Variants in INPP5B observed in about 807,000 individuals in gnomAD.
The protein encoded by INPP5B is type II inositol 1,4,5-trisphosphate 5-phosphatase.
Under a neutral mutation model 118.5 loss-of-function variants are expected in INPP5B, and 90 were observed. That is an observed-to-expected ratio of 0.76 (90% confidence interval 0.64 to 0.90). The LOEUF is 0.90. INPP5B is among the 40% of genes least tolerant of loss of function. INPP5B has a pLI of 0.00. For missense variants in INPP5B, 984 were observed against 1,125.6 expected (o/e 0.87, Z 1.80); for synonymous variants, 385 against 418.9 (o/e 0.92, Z 0.99).
chr1:37,907,335 T>A lies in INPP5B; in HGVS notation c.533-15881A>T, dbSNP rs185570355. Among the ~76,000 whole-genome samples, 2 of 152,320 alleles carry A rather than the reference T, an allele frequency of 1.3e-5. No individual in the cohort carries two copies. Among genetic ancestry groups the A allele is most frequent in the African/African-American group, 4.8e-5 (2 of 41,574 alleles). ...CCATACTGCTGCTTTCTGACTGAGC[T>A]CCTCTCTACCCTGAATACAAGAGAC... On this transcript the variant is annotated intron_variant, in intron 7 of 23. Transcript: ENST00000373024. The surrounding 1 kb of genome is among the most constrained non-coding windows in gnomAD (Gnocchi z 4.3).
Position 37,890,624 on chromosome 1 carries a change from C to T in INPP5B, c.629+734G>A, listed in dbSNP as rs550381875. Among the ~76,000 whole-genome samples, 27 of 152,026 alleles carry T rather than the reference C, an allele frequency of 1.8e-4. 1 individual carries two copies. The South Asian group carries it at 3.9e-3, about 22-fold the overall frequency. Reference sequence around the variant, plus strand: ...TTTATATAATAACACACCTCAGGGGCGAGTCAGGAAAGAGTAAATAAAACA... The same window carrying T: ...TTTATATAATAACACACCTCAGGGGTGAGTCAGGAAAGAGTAAATAAAACA... On this transcript the variant is annotated intron_variant, in intron 8 of 23. Transcript: ENST00000373024.
At chr1:37,922,353 C>A (rs1287138836) in intron 7 of INPP5B, among the ~76,000 whole-genome samples, 1 of 151,928 alleles carries the variant, frequency 6.6e-6, no homozygotes, top group Non-Finnish European at 1.5e-5. Flanking sequence ...CATGTCACTG[C>A]ACTCCAGCCT....
At chr1:37,875,103 T>C (rs1019587526) in intron 17 of INPP5B, among the ~76,000 whole-genome samples, 1 of 152,198 alleles carries the variant, frequency 6.6e-6, no homozygotes, top group Non-Finnish European at 1.5e-5. Flanking sequence ...TAGGACATGA[T>C]GACCTAAGCC....
chr1:37,878,990 G>A (rs917527011), intron 15 of INPP5B, among the ~76,000 whole-genome samples: 1 of 148,076 alleles, frequency 6.8e-6, no homozygotes, highest in Non-Finnish European at 1.5e-5. Flanking sequence ...AGGCACGGTG[G>A]CTCACGCCTG....
At chr1:37,937,936 C>G (rs1645758931) in intron 6 of INPP5B, among the ~76,000 whole-genome samples, 1 of 149,802 alleles carries the variant, frequency 6.7e-6, no homozygotes, top group Non-Finnish European at 1.5e-5. Context: ...CCATTGCACT[C>G]CAGCCCAGAT....
rs921438283 is a variant in INPP5B, at chr1:37,875,804, T to G, written c.1678-88A>C. The G allele has an allele frequency of 1.4e-5, 11 of 789,498 alleles. No homozygotes were observed. In the South Asian group the frequency reaches 1.7e-4, roughly 12 times the overall value. 48.9% of individuals were successfully genotyped at this position (789,498 alleles called of 1,614,324 possible). On this transcript the variant is annotated intron_variant, in intron 16 of 23. Transcript: ENST00000373024. The stretch of plus-strand genomic sequence containing the variant: ...AGACGGCATTCACAGCACTGGGAAA[T>G]AGCAGTTGATAGCAACACAGAAAAC...
chr1:37,878,447 T>A, intron 15 of INPP5B, 124 bp from the exon 16 acceptor site: 3 of 1,479,866 alleles, frequency 2.0e-6, no homozygotes, highest in East Asian at 5.0e-5. Flanking sequence ...CTAAGTCATC[T>A]GAGGCAGCAA....
At chr1:37,913,179 C>T (rs1245018500) in intron 7 of INPP5B, among the ~76,000 whole-genome samples, 2 of 152,132 alleles carry the variant, frequency 1.3e-5, no homozygotes, top group African/African-American at 4.8e-5. Flanking sequence ...ATGGTGTGAA[C>T]CCGGAAGGCG....
At chr1:37,901,699 TGTG>T (rs537720834) in intron 7 of INPP5B, among the ~76,000 whole-genome samples, 2 of 152,180 alleles carry the variant, frequency 1.3e-5, no homozygotes, top group Admixed American at 6.6e-5. Flanking sequence ...TAAGGCATGA[TGTG>T]GGGGATTTCC....
intron 7 of INPP5B, among the ~76,000 whole-genome samples, chr1:37,915,116 A>G (rs968340411): frequency 6.6e-6 from 1 of 152,198 alleles, no homozygotes; most frequent in South Asian, 2.1e-4. Context: ...TATTGTGTAG[A>G]ACCAAAACTC....
chr1:37,868,749 G>A (rs1642209411), intron 19 of INPP5B, 135 bp from the exon 20 acceptor site: 3 of 670,148 alleles, frequency 4.5e-6, no homozygotes, highest in Non-Finnish European at 8.2e-6. Flanking sequence ...AGACAGAAAT[G>A]AAATCAGGTG....
intron 21 of INPP5B, 143 bp from the exon 22 acceptor site, chr1:37,866,031 G>A: frequency 7.4e-7 from 1 of 1,350,290 alleles, no homozygotes; most frequent in African/African-American, 1.5e-5. Context: ...TTCTCGAAGG[G>A]ACCACACTGT....
intron 19 of INPP5B, chr1:37,869,927 T>C (rs1449768844): frequency 6.6e-6 from 1 of 152,108 alleles, no homozygotes; most frequent in South Asian, 2.1e-4. Flanking sequence ...CATATTACCA[T>C]AGGTCTGCTC....
In INPP5B at chr1:37,865,849, A is replaced by T; in HGVS notation, c.2426T>A (p.Phe809Tyr). 1 of 1,613,626 alleles carries T rather than the reference A, an allele frequency of 6.2e-7. No individual in the cohort carries two copies. The highest frequency in any genetic ancestry group is 8.5e-7 in the Non-Finnish European group (1 of 1,179,658). ...NHSVAEALLLFLESLPEPVIC... is the reference protein window; with the variant it reads ...NHSVAEALLLYLESLPEPVIC... ...GACAGGCTCTGGAAGGCTCTCCAGG[A>T]AAAGCAGCAGGGCTTCGGCTACAGA... is the stretch of plus-strand genomic sequence containing the variant. Residue 809 changes from phenylalanine to tyrosine, a missense_variant, in exon 22 of 24, where the codon TTC (phenylalanine) becomes TAC (tyrosine). Physicochemically the swap from Phe to Tyr is conservative, Grantham distance 22. Transcript: ENST00000373024.
At chr1:37,899,476 C>A (rs1482336347) in intron 7 of INPP5B, among the ~76,000 whole-genome samples, 2 of 151,808 alleles carry the variant, frequency 1.3e-5, no homozygotes, top group African/African-American at 2.4e-5. Context: ...GCAAGAAAAT[C>A]GCTTGAACCT....
At chr1:37,888,162 T>C in intron 10 of INPP5B, 81 bp downstream of exon 10, 1 of 816,572 alleles carries the variant, frequency 1.2e-6, no homozygotes. Flanking sequence ...TTCAAATCCT[T>C]CACCTGTTGT....
chr1:37,942,590 CTGAT>C (rs1470784487), intron 5 of INPP5B, among the ~76,000 whole-genome samples: 2 of 151,902 alleles, frequency 1.3e-5, no homozygotes, highest in Admixed American at 1.3e-4. Context: ...AATTACATCA[CTGAT>C]TGAGAGAGGC....
chr1:37,912,476 G>A (rs1644731905), intron 7 of INPP5B, among the ~76,000 whole-genome samples: 1 of 151,952 alleles, frequency 6.6e-6, no homozygotes, highest in East Asian at 1.9e-4. Context: ...CCTACTTTTT[G>A]CAATAGGGCT....
intron 19 of INPP5B, among the ~76,000 whole-genome samples, chr1:37,869,572 T>C (rs559992055): frequency 2.0e-5 from 3 of 151,894 alleles, no homozygotes; most frequent in East Asian, 1.9e-4. Context: ...CTCCGCCTCC[T>C]GGGTTCAAGC....
Sources: gnomAD v4.1 joint callset for allele counts (sites outside exome capture counted in the v4.1 genomes callset) on GRCh38, gnomAD v4.1.1 for gene constraint, Gnocchi (gnomAD v3.1) non-coding constraint, MANE v1.5 for transcripts, NCBI Gene and HGNC (gene_info 2026-07-23, HGNC 2026-07-21) for gene names.